Variants in PJA2 observed in about 807,000 individuals in gnomAD.
The protein encoded by PJA2 is praja ring finger ubiquitin ligase 2, also known as E3 ubiquitin-protein ligase Praja-2.
PJA2 carries 25 observed loss-of-function variants against 69.3 expected under a neutral mutation model. The ratio of observed to expected loss-of-function variants is 0.36; its 90% confidence interval spans 0.26 to 0.50. The LOEUF (loss-of-function observed/expected upper bound fraction) is 0.50, where lower values mean the gene tolerates loss of function less well. Among genes scored for constraint, PJA2 ranks in the 20% least tolerant of loss-of-function variants. The pLI is 0.96. For synonymous variants in PJA2, 308 were observed against 277.8 expected (o/e 1.11, Z -1.08); for missense variants, 809 against 830.2 (o/e 0.97, Z 0.31).
At chr5:109,369,914 C>G (rs192252602) in intron 4 of PJA2, among the ~76,000 whole-genome samples, 20 of 152,084 alleles carry the variant, frequency 1.3e-4, no homozygotes, top group Admixed American at 2.6e-4. Flanking sequence ...CGCCTGTAAT[C>G]CCAGCTACTT....
chr5:109,368,647 C>A lies in PJA2; in HGVS notation c.1383G>T (p.Leu461=), dbSNP rs1328579564. The change falls in exon 5 of 10, where the codon CTG becomes CTT. Residue 461 remains leucine, a synonymous_variant. Transcript: ENST00000361189. ...QSSSDESWET[L]PGKDENEPEL... The stretch of plus-strand genomic sequence containing the variant: ...CAGGTTCATTCTCATCTTTTCCTGG[C>A]AGAGTCTCCCAGCTTTCATCACTTG... The A allele has an allele frequency of 6.2e-7, 1 of 1,614,160 alleles. No individual in the cohort carries two copies. The highest frequency in any genetic ancestry group is 2.2e-5 in the East Asian group (1 of 44,876).
chr5:109,377,363 C>T (rs1435069248), intron 4 of PJA2, among the ~76,000 whole-genome samples: 2 of 152,040 alleles, frequency 1.3e-5, no homozygotes, highest in African/African-American at 4.8e-5. Flanking sequence ...ATGCAACTAG[C>T]TTACAAGGAC....
intron 9 of PJA2, among the ~76,000 whole-genome samples, chr5:109,339,594 C>T (rs138029855): frequency 5.3e-5 from 8 of 152,156 alleles, no homozygotes; most frequent in Admixed American, 3.9e-4. Context: ...CAGCCATGCT[C>T]GAAAATTTTA....
chr5:109,405,936 A>C (rs1320104891), intron 1 of PJA2, among the ~76,000 whole-genome samples: 1 of 152,048 alleles, frequency 6.6e-6, no homozygotes, highest in African/African-American at 2.4e-5. Flanking sequence ...AAAAAAAACA[A>C]GCTTCAGATT....
Position 109,406,580 on chromosome 5 carries a change from T to C in PJA2, c.-88+3262A>G, listed in dbSNP as rs114572865. Among the ~76,000 whole-genome samples the C allele has an allele frequency of 7.0e-3, 1,059 of 152,300 alleles. 11 individuals are homozygous for C. Among genetic ancestry groups the C allele is most frequent in the African/African-American group, 0.024 (1,001 of 41,576 alleles). On this transcript the variant is annotated intron_variant, in intron 1 of 9. Coordinates refer to ENST00000361189, the MANE Select transcript of PJA2 (RefSeq NM_014819.5). ...CTGTCATACACTGCTGATGGATATG[T>C]AAAATGTGACAACCACTCTGGAAAA... is the stretch of plus-strand genomic sequence containing the variant.
At position 109,342,318 on chromosome 5, in the gene PJA2, G is replaced by A. The variant is rs1762083638; in HGVS notation, c.2001+1872C>T. Among the ~76,000 whole-genome samples, 2 of 119,032 alleles carry A rather than the reference G, an allele frequency of 1.7e-5. 1 individual carries two copies. The highest frequency in any genetic ancestry group is 5.7e-4 in the South Asian group (2 of 3,524). The allele number at this position is 119,032 out of a possible 152,430, so 78.1% of individuals were successfully genotyped here. The stretch of plus-strand genomic sequence containing the variant: ...CTGCCCGGCCAGCCGCCCTGTCCGG[G>A]AGGGAGGTGGGGGGATCGGCCCCCC... On this transcript the variant is annotated intron_variant, in intron 9 of 9. Coordinates refer to ENST00000361189, the MANE Select transcript of PJA2 (RefSeq NM_014819.5).
chr5:109,396,952 G>A (rs1490312026), intron 1 of PJA2, among the ~76,000 whole-genome samples: 2 of 152,166 alleles, frequency 1.3e-5, no homozygotes, highest in Non-Finnish European at 2.9e-5. Flanking sequence ...TGGTTTGAAT[G>A]TTTGTGCCAT....
chr5:109,358,849 AT>A (rs1451756610), intron 6 of PJA2, among the ~76,000 whole-genome samples: 1 of 152,170 alleles, frequency 6.6e-6, no homozygotes, highest in Non-Finnish European at 1.5e-5. Flanking sequence ...AAAACAAAAA[AT>A]TGTTTCAGAC....
intron 1 of PJA2, among the ~76,000 whole-genome samples, chr5:109,397,803 C>T (rs953661732): frequency 6.6e-6 from 1 of 152,092 alleles, no homozygotes; most frequent in East Asian, 1.9e-4. Context: ...GGATTACAGG[C>T]GTGAGCCACG....
intron 4 of PJA2, among the ~76,000 whole-genome samples, chr5:109,377,391 C>CT (rs1383163082): frequency 1.3e-5 from 2 of 152,042 alleles, no homozygotes; most frequent in East Asian, 3.9e-4. Flanking sequence ...AATCTGGACA[C>CT]TGGGGTAATG....
At chr5:109,369,379 A>G (rs1408663202) in intron 4 of PJA2, among the ~76,000 whole-genome samples, 3 of 152,196 alleles carry the variant, frequency 2.0e-5, no homozygotes, top group Admixed American at 1.3e-4. Context: ...GTTATGGAAT[A>G]TATCACTTTA....
chr5:109,368,647 CAG>C lies in PJA2; in HGVS notation c.1381_1382del (p.Leu461AlafsTer5). On this transcript the variant is annotated frameshift_variant, in exon 5 of 10. Transcript: ENST00000361189. LOFTEE classifies it high-confidence loss of function. ...CAGGTTCATTCTCATCTTTTCCTGG[CAG>C]AGTCTCCCAGCTTTCATCACTTGAG... ...QSSSDESWETLPGKDENEPEL... is the reference protein window; with the variant it reads ...QSSSDESWETXPGKDENEPEL... 1 of 1,614,160 alleles carries C rather than the reference CAG, an allele frequency of 6.2e-7. No homozygotes were observed. The highest frequency in any genetic ancestry group is 8.5e-7 in the Non-Finnish European group (1 of 1,180,024).
At chr5:109,407,508 T>C (rs1362049357) in intron 1 of PJA2, among the ~76,000 whole-genome samples, 4 of 152,176 alleles carry the variant, frequency 2.6e-5, no homozygotes, top group African/African-American at 7.2e-5. Context: ...TGTTTGTTGT[T>C]AGCTATCAGT....
intron 6 of PJA2, among the ~76,000 whole-genome samples, chr5:109,356,338 T>G (rs1226020176): frequency 6.6e-6 from 1 of 152,070 alleles, no homozygotes; most frequent in Non-Finnish European, 1.5e-5. Flanking sequence ...AAGGTACAGG[T>G]TGAGCATCCC....
chr5:109,353,477 ATC>A (rs1762314918), intron 7 of PJA2, among the ~76,000 whole-genome samples: 3 of 107,324 alleles, frequency 2.8e-5, no homozygotes, highest in Non-Finnish European at 6.8e-5. Flanking sequence ...ATCTATAGAT[ATC>A]TAATATATTA....
chr5:109,397,136 G>A (rs1440186889), intron 1 of PJA2, among the ~76,000 whole-genome samples: 1 of 152,160 alleles, frequency 6.6e-6, no homozygotes, highest in Admixed American at 6.5e-5. Flanking sequence ...ACAAGCAACA[G>A]GTGCCATATT....
intron 7 of PJA2, among the ~76,000 whole-genome samples, chr5:109,354,752 A>G (rs192480937): frequency 6.8e-6 from 1 of 147,744 alleles, no homozygotes; most frequent in Admixed American, 6.8e-5. Context: ...GTAATATATT[A>G]GATATATAAA....
chr5:109,406,991 T>C (rs1465969125), intron 1 of PJA2, among the ~76,000 whole-genome samples: 1 of 152,174 alleles, frequency 6.6e-6, no homozygotes, highest in Non-Finnish European at 1.5e-5. Context: ...GATACCAATT[T>C]ATAGCAAGAA....
At chr5:109,352,936 G>A (rs184873) in intron 7 of PJA2, among the ~76,000 whole-genome samples, 92,784 of 125,990 alleles carry the variant, frequency 0.74, 34,703 homozygotes, top group African/African-American at 0.8. Context: ...AGACATCTAT[G>A]TATTAGATAC....
Sources: gnomAD v4.1 joint callset for allele counts (sites outside exome capture counted in the v4.1 genomes callset) on GRCh38, gnomAD v4.1.1 for gene constraint, MANE v1.5 for transcripts, NCBI Gene and HGNC (gene_info 2026-07-23, HGNC 2026-07-21) for gene names.